WDR5: variants seen among roughly 807,000 people sequenced by gnomAD.
The protein encoded by WDR5 is WD repeat domain 5.
For missense variants in WDR5, 187 were observed against 416.9 expected, an observed-to-expected ratio of 0.45 and a Z score of 4.80; for synonymous variants, 144 against 161.6, an observed-to-expected ratio of 0.89 and a Z score of 0.83.
chr9:134,141,362 AG>A, intron 3 of WDR5, 147 bp from the exon 4 acceptor site: 1 of 677,814 alleles, frequency 1.5e-6, no homozygotes, highest in Non-Finnish European at 2.6e-6. Flanking sequence ...TGGTCCTCTC[AG>A]GCATGTGGCC....
intron 10 of WDR5, 133 bp downstream of exon 10, chr9:134,154,674 T>C (rs921643923): frequency 9.9e-7 from 1 of 1,006,252 alleles, no homozygotes; most frequent in Non-Finnish European, 1.5e-6. Flanking sequence ...GAGCTTCGGC[T>C]TCTGGGCAGT....
chr9:134,140,639 C>A, intron 2 of WDR5, 64 bp from the exon 3 acceptor site: 2 of 1,402,492 alleles, frequency 1.4e-6, no homozygotes, highest in Non-Finnish European at 2.0e-6. Context: ...GAGTCAAAAT[C>A]CAAACTGGTC....
Position 134,159,444 on chromosome 9 carries a change from C to T in WDR5, c.*1451C>T, listed in dbSNP as rs536381052. 2.0e-5 allele frequency: 3 copies of T among 152,550 alleles called. No individual in the cohort carries two copies. In the South Asian group the frequency reaches 6.2e-4, roughly 32 times the overall value. The allele number at this position is 152,550 out of a possible 1,614,324, so 9.4% of individuals were successfully genotyped here. On this transcript the variant is annotated 3_prime_UTR_variant, in exon 14 of 14. Coordinates refer to ENST00000358625, the MANE Select transcript of WDR5 (RefSeq NM_017588.3). This position sits in a 1 kb window ranked among gnomAD's most constrained non-coding sequence, Gnocchi z 4.3. ...GGAGCTCAGCCAGCTCTGCCTTTCT[C>T]AGGGCCTGGAGTCCTGGATGAATCC...
intron 5 of WDR5, 84 bp downstream of exon 5, chr9:134,142,122 T>G: frequency 9.1e-7 from 1 of 1,094,516 alleles, no homozygotes; most frequent in Admixed American, 2.2e-5. Flanking sequence ...GACTGCTCAG[T>G]AAGCAACACT....
chr9:134,138,046 T>A (rs1831669582), intron 1 of WDR5, among the ~76,000 whole-genome samples: 1 of 152,250 alleles, frequency 6.6e-6, no homozygotes. Context: ...CCAGCCATCA[T>A]ATTCTTAAAA....
rs28657441 is a variant in WDR5, at chr9:134,139,869, G to A, written c.-9G>A. 0.025 allele frequency: 40,535 copies of A among 1,613,432 alleles called. 581 individuals carry two copies. The highest frequency in any genetic ancestry group is 0.042 in the Middle Eastern group (252 of 6,060). ...CACCCTTGTCTCCTGTGCGGCCAGCGTCAGAGCCATGGCGACGGAGGAGAA... is the reference window on the plus strand; with the variant it reads ...CACCCTTGTCTCCTGTGCGGCCAGCATCAGAGCCATGGCGACGGAGGAGAA... On this transcript the variant is annotated 5_prime_UTR_variant, in exon 2 of 14. Transcript: ENST00000358625.
intron 8 of WDR5, among the ~76,000 whole-genome samples, chr9:134,151,490 C>T (rs1421666681): frequency 6.6e-6 from 1 of 152,186 alleles, no homozygotes; most frequent in Non-Finnish European, 1.5e-5. Context: ...TCACAGAAAC[C>T]CTGAAATTGG....
chr9:134,154,383 G>A (rs151215643), intron 9 of WDR5, 83 bp from the exon 10 acceptor site: 64 of 1,407,262 alleles, frequency 4.5e-5, no homozygotes, highest in Middle Eastern at 1.8e-4. Flanking sequence ...TGTCGCACGT[G>A]GGGGATGGGG....
intron 1 of WDR5, among the ~76,000 whole-genome samples, chr9:134,138,632 C>T (rs1245103026): frequency 6.6e-6 from 1 of 152,162 alleles, no homozygotes; most frequent in Non-Finnish European, 1.5e-5. Flanking sequence ...CATCTTTGCG[C>T]AGGGAATCTT....
rs137995131 is a variant in WDR5 at position 134,151,931 on chromosome 9, C to T, written c.585-52C>T. ...TTTATATCTGACTCCCAGCAGCCCG[C>T]GTGAGATCATAACTTGTCTGCTTAC... is the stretch of plus-strand genomic sequence containing the variant. On this transcript the variant is annotated intron_variant, in intron 8 of 13. Coordinates refer to ENST00000358625, the MANE Select transcript of WDR5 (RefSeq NM_017588.3). The T allele has an allele frequency of 1.9e-3, 2,986 of 1,581,192 alleles. 6 individuals carry two copies. Among genetic ancestry groups the T allele is most frequent in the Non-Finnish European group, 2.3e-3 (2,652 of 1,159,956 alleles).
In WDR5 at chr9:134,138,765, T is replaced by TA. The variant is rs373797245; in HGVS notation, c.-58-1054dup. 5.3e-3 allele frequency among the ~76,000 whole-genome samples: 815 copies of TA among 152,364 alleles called. 8 individuals are homozygous for TA. Among genetic ancestry groups the TA allele is most frequent in the African/African-American group, 0.018 (760 of 41,586 alleles). The stretch of plus-strand genomic sequence containing the variant: ...CTTTTTAATGCCTTCCATTTCGCGT[T>TA]AGTGTTACAATCAGCCTGTGCAAGA... On this transcript the variant is annotated intron_variant, in intron 1 of 13. Coordinates refer to ENST00000358625, the MANE Select transcript of WDR5 (RefSeq NM_017588.3).
At position 134,157,948 on chromosome 9, in the gene WDR5, G is replaced by C. The variant is rs544124598; in HGVS notation, c.960G>C (p.Ala320=). ...HPTENIIASA[A]LENDKTIKLW... is the part of the protein sequence containing the mutation. ...CAGAAAACATCATCGCCTCTGCTGC[G>C]CTAGAAAATGACAAAACAATTAAAC... The change falls in exon 14 of 14, where the codon GCG becomes GCC. Residue 320 remains alanine, a synonymous_variant. Transcript: ENST00000358625. The surrounding 1 kb of genome is among the most constrained non-coding windows in gnomAD (Gnocchi z 5.0). 6.2e-7 allele frequency: 1 copy of C among 1,614,100 alleles called. No individual in the cohort carries two copies. The highest frequency in any genetic ancestry group is 1.1e-5 in the South Asian group (1 of 91,080).
intron 7 of WDR5, 149 bp from the exon 8 acceptor site, chr9:134,148,139 A>C (rs1478280764): frequency 3.3e-6 from 2 of 598,258 alleles, no homozygotes; most frequent in Non-Finnish European, 2.7e-6. Flanking sequence ...TGGGTGACAG[A>C]GCGAGACTCT....
At chr9:134,140,135 A>C (rs1831805254) in intron 2 of WDR5, among the ~76,000 whole-genome samples, 177 bp downstream of exon 2, 1 of 152,176 alleles carries the variant, frequency 6.6e-6, no homozygotes, top group Non-Finnish European at 1.5e-5. Context: ...AGGGATCCCA[A>C]ATCTGTCACC....
chr9:134,136,259 A>G (rs1831545470), intron 1 of WDR5, 59 bp downstream of exon 1: 1 of 148,578 alleles, frequency 6.7e-6, no homozygotes, highest in African/African-American at 2.4e-5. Flanking sequence ...CGGCGCCAGA[A>G]GCTTCCAAAC....
intron 1 of WDR5, among the ~76,000 whole-genome samples, chr9:134,138,022 G>A (rs1246432442): frequency 2.0e-5 from 3 of 152,200 alleles, no homozygotes; most frequent in South Asian, 4.1e-4. Flanking sequence ...GATTACAGGC[G>A]TCAGCCACTG....
rs28485236 is a variant in WDR5, at chr9:134,157,113, C to G, written c.904+520C>G. ...CTGCAGCCGCCGCTACTTCCTCACC[C>G]TCTGGCCCTGCATTTCCACGTCTCA... is the stretch of plus-strand genomic sequence containing the variant. On this transcript the variant is annotated intron_variant, in intron 13 of 13. Coordinates refer to ENST00000358625, the MANE Select transcript of WDR5 (RefSeq NM_017588.3). This position sits in a 1 kb window ranked among gnomAD's most constrained non-coding sequence, Gnocchi z 5.0. Among the ~76,000 whole-genome samples, 1 of 152,112 alleles carries G rather than the reference C, an allele frequency of 6.6e-6. No individual in the cohort carries two copies. Among genetic ancestry groups the G allele is most frequent in the African/African-American group, 2.4e-5 (1 of 41,438 alleles).
In WDR5 at chr9:134,159,010, G is replaced by A. The variant is rs913340762; in HGVS notation, c.*1017G>A. On this transcript the variant is annotated 3_prime_UTR_variant, in exon 14 of 14. Transcript: ENST00000358625. This position sits in a 1 kb window ranked among gnomAD's most constrained non-coding sequence, Gnocchi z 4.3. ...CCAGTGGGACTCATGCGCCCTATGA[G>A]GGCTGCAGGGCCAGTGCTGCCCCTC... 6.6e-6 allele frequency: 1 copy of A among 152,254 alleles called. No individual in the cohort carries two copies. Among genetic ancestry groups the A allele is most frequent in the African/African-American group, 2.4e-5 (1 of 41,452 alleles). The allele number at this position is 152,254 out of a possible 1,614,324, so 9.4% of individuals were successfully genotyped here.
At chr9:134,137,173 G>C (rs1384828592) in intron 1 of WDR5, among the ~76,000 whole-genome samples, 1 of 152,188 alleles carries the variant, frequency 6.6e-6, no homozygotes, top group Non-Finnish European at 1.5e-5. Context: ...AGTCCAGGAG[G>C]GCACACTGAG....
Sources: gnomAD v4.1 joint callset for allele counts (sites outside exome capture counted in the v4.1 genomes callset) on GRCh38, gnomAD v4.1.1 for gene constraint, Gnocchi (gnomAD v3.1) non-coding constraint, MANE v1.5 for transcripts, NCBI Gene and HGNC (gene_info 2026-07-23, HGNC 2026-07-21) for gene names.